The following ZNF91 variants were observed in gnomAD, a reference collection of about 807,000 sequenced individuals.
ZNF91 encodes the protein zinc finger protein 91 (HPF7, HTF10).
ZNF91 carries 7 observed loss-of-function variants against 12.6 expected under a neutral mutation model. The ratio of observed to expected loss-of-function variants is 0.55; its 90% CI spans 0.31 to 1.04. The LOEUF (loss-of-function observed/expected upper bound fraction) is 1.04. Ranked by LOEUF, ZNF91 falls within the 50% of genes least tolerant of loss-of-function variation. The probability of loss-of-function intolerance (pLI) is 0.05; values close to 1 mark genes in which losing one functional copy is unlikely to be tolerated. For missense variants in ZNF91, 1,217 were observed against 1,385.4 expected, an observed-to-expected ratio of 0.88 and a Z score of 1.93; for synonymous variants, 453 against 462.6, an observed-to-expected ratio of 0.98 and a Z score of 0.27.
At chr19:23,376,635 C>T (rs1389192705) in intron 1 of ZNF91, among the ~76,000 whole-genome samples, 3 of 152,030 alleles carry the variant, frequency 2.0e-5, no homozygotes, top group African/African-American at 4.8e-5. Context: ...GTGATCTGCC[C>T]GCCTCGGCCT....
downstream of ZNF91, among the ~76,000 whole-genome samples, chr19:23,335,766 C>T (rs768200109): frequency 6.6e-5 from 10 of 152,276 alleles, no homozygotes; most frequent in East Asian, 1.9e-4. Flanking sequence ...CGACCCCTTG[C>T]GCTTTCTGGG....
At chr19:23,318,149 T>C (rs561389753) in intron 1 of ZNF91, among the ~76,000 whole-genome samples, 6 of 152,280 alleles carry the variant, frequency 3.9e-5, no homozygotes, top group African/African-American at 1.4e-4. Flanking sequence ...TACCCTTCTG[T>C]TTTGTCACTG....
chr19:23,316,547 T>C (rs1967564648), intron 1 of ZNF91, among the ~76,000 whole-genome samples: 1 of 152,130 alleles, frequency 6.6e-6, no homozygotes, highest in African/African-American at 2.4e-5. Context: ...TGGTCCCTTG[T>C]GTCAGGGAAG....
chr19:23,374,803 C>T lies in ZNF91; in HGVS notation c.31-39G>A, dbSNP rs780347372. On this transcript the variant is annotated intron_variant, in intron 1 of 3. Coordinates refer to ENST00000300619, the MANE Select transcript of ZNF91 (RefSeq NM_003430.4). Reference sequence around the variant, plus strand: ...ACAAACACACATATTTACAAAGTGGCTATGGGCAGAATTTTTCATTTGACT... The same window carrying T: ...ACAAACACACATATTTACAAAGTGGTTATGGGCAGAATTTTTCATTTGACT... The T allele has an allele frequency of 2.3e-5, 36 of 1,596,406 alleles. No individual in the cohort carries two copies. The Admixed American group carries it at 2.9e-4, about 13-fold the overall frequency.
At chr19:23,386,873 C>T (rs1306545900) in intron 1 of ZNF91, among the ~76,000 whole-genome samples, 3 of 152,114 alleles carry the variant, frequency 2.0e-5, no homozygotes, top group African/African-American at 4.8e-5. Context: ...AACAGACAAC[C>T]TACGGAATAA....
intron 1 of ZNF91, among the ~76,000 whole-genome samples, chr19:23,393,623 T>C (rs879894157): frequency 1.3e-5 from 2 of 152,142 alleles, no homozygotes; most frequent in Admixed American, 6.6e-5. Context: ...TGTCAGGAGA[T>C]TATTCTTTGC....
intron 1 of ZNF91, chr19:23,328,689 TAGA>T (rs1023500348): frequency 6.6e-6 from 1 of 152,278 alleles, no homozygotes; most frequent in East Asian, 1.9e-4. Flanking sequence ...GAAGATCAGT[TAGA>T]AGGCTAGTTT....
chr19:23,368,562 C>CTCTCTCTCTA (rs768532900), intron 3 of ZNF91, among the ~76,000 whole-genome samples: 3 of 118,578 alleles, frequency 2.5e-5, no homozygotes, highest in Non-Finnish European at 5.0e-5. Context: ...CTCTCTCTCT[C>CTCTCTCTCTA]TATATATATA....
intron 1 of ZNF91, among the ~76,000 whole-genome samples, chr19:23,323,233 T>G (rs1967748969): frequency 6.8e-6 from 1 of 148,086 alleles, no homozygotes; most frequent in African/African-American, 2.5e-5. Flanking sequence ...TCTCTCCTTC[T>G]TCTCCTCTCC....
At chr19:23,330,979 T>C (rs945960142) in intron 1 of ZNF91, among the ~76,000 whole-genome samples, 4 of 152,362 alleles carry the variant, frequency 2.6e-5, no homozygotes, top group Admixed American at 2.0e-4. Context: ...CAGAAACAAT[T>C]TGTGGTGACA....
chr19:23,359,267 G>T lies in ZNF91; in HGVS notation c.*136C>A. The stretch of plus-strand genomic sequence containing the variant: ...AGACGGAGTCTCGCTCTGTCGCCCA[G>T]GCTTGAGTGCAGTGGCGTGATCTCG... On this transcript the variant is annotated 3_prime_UTR_variant, in exon 4 of 4. Transcript: ENST00000300619. 1.5e-5 allele frequency: 7 copies of T among 462,562 alleles called. No individual in the cohort carries two copies. Among genetic ancestry groups the T allele is most frequent in the Non-Finnish European group, 2.7e-5 (7 of 255,086 alleles). The allele number at this position is 462,562 out of a possible 1,614,324, so 28.7% of individuals were successfully genotyped here.
At chr19:23,357,415 T>C (rs1020075), downstream of ZNF91, among the ~76,000 whole-genome samples, 28,675 of 152,156 alleles carry the variant, frequency 0.19, 2,925 homozygotes, top group Non-Finnish European at 0.21. Context: ...GAGTATAAAT[T>C]TGCTTTCAGC....
downstream of ZNF91, among the ~76,000 whole-genome samples, chr19:23,335,620 G>A (rs187644907): frequency 2.0e-5 from 3 of 152,316 alleles, no homozygotes; most frequent in East Asian, 3.9e-4. Context: ...GGGACCCTCC[G>A]TGCCAGGCAC....
chr19:23,348,587 ATTGT>A (rs761595008), intron 3 of ZNF91, among the ~76,000 whole-genome samples: 16 of 152,290 alleles, frequency 1.1e-4, no homozygotes, highest in East Asian at 5.8e-4. Context: ...AACTGTACAA[ATTGT>A]TTGTAAAACA....
downstream of ZNF91, among the ~76,000 whole-genome samples, chr19:23,336,149 T>A (rs1436383186): frequency 6.6e-6 from 1 of 152,202 alleles, no homozygotes; most frequent in Non-Finnish European, 1.5e-5. Context: ...AACTAATATA[T>A]TAATTTTAAC....
chr19:23,309,104 A>G (rs79972103), intron 1 of ZNF91: 1 of 146,258 alleles, frequency 6.8e-6, no homozygotes, highest in Non-Finnish European at 1.5e-5. Flanking sequence ...GGCCCTGCCA[A>G]AAAAAAAAAA....
chr19:23,361,859 C>T lies in ZNF91; in HGVS notation c.1120G>A (p.Glu374Lys), dbSNP rs1189964950. The T allele has an allele frequency of 1.9e-6, 3 of 1,609,148 alleles. No individual in the cohort carries two copies. Among genetic ancestry groups the T allele is most frequent in the Non-Finnish European group, 2.5e-6 (3 of 1,176,894 alleles). Reference protein sequence around the residue: ...TLANHKITHTEEKPYKCKECD... With the variant: ...TLANHKITHTKEKPYKCKECD... ...TCTTTACATTTGTAGGGTTTCTCTT[C>T]AGTATGAGTTATCTTATGATTAGCA... The change falls in exon 4 of 4, where the codon GAA becomes AAA. Residue 374 changes from glutamate (E) to lysine (K), a missense_variant. Glu to Lys is a moderately conservative substitution (Grantham distance 56, BLOSUM62 1). Transcript: ENST00000300619.
At chr19:23,374,423 G>A (rs1014349340) in intron 2 of ZNF91, among the ~76,000 whole-genome samples, 1 of 149,732 alleles carries the variant, frequency 6.7e-6, no homozygotes, top group African/African-American at 2.4e-5. Flanking sequence ...AGCCGGGCAT[G>A]GTGGTGGGCG....
At position 23,359,662 on chromosome 19, in the gene ZNF91, T is replaced by C. The variant is rs766600532; in HGVS notation, c.3317A>G (p.Tyr1106Cys). 11 of 1,613,974 alleles carry C rather than the reference T, an allele frequency of 6.8e-6. No homozygotes were observed. The South Asian group carries it at 9.9e-5, about 14-fold the overall frequency. ...HKRLHTGEKP[Y>C]KCGECGKAFK... ...GGCTTTGCCACATTCTCCACATTTG[T>C]AGGGTTTCTCTCCGGTGTGCAACCT... The change falls in exon 4 of 4, where the codon TAC becomes TGC. Residue 1106 changes from tyrosine (Y) to cysteine (C), a missense_variant. Physicochemically the swap from Tyr to Cys is radical, Grantham distance 194 (BLOSUM62 -2). Around this residue, in one of 2 missense-constraint regions of ZNF91, gnomAD observed 491 missense variants for 489.8 expected, o/e 1.00. Transcript: ENST00000300619.
Sources: allele counts gnomAD v4.1 joint callset (sites outside exome capture counted in the v4.1 genomes callset), GRCh38; gene constraint gnomAD v4.1.1; regional missense constraint gnomAD v4.1.1; transcripts MANE v1.5; gene names NCBI Gene and HGNC (gene_info 2026-07-23, HGNC 2026-07-21).